PCDHA13: variants seen among roughly 807,000 people sequenced by gnomAD.
PCDHA13 encodes the protein protocadherin alpha 13.
PCDHA13 carries 54 observed loss-of-function variants against 64.8 expected under a neutral mutation model. The observed-to-expected ratio is 0.83, with a 90% CI of 0.67 to 1.04. The LOEUF (loss-of-function observed/expected upper bound fraction) is 1.04. Ranked by LOEUF, PCDHA13 falls within the 50% of genes least tolerant of loss-of-function variation. The pLI, the probability that PCDHA13 is intolerant of heterozygous loss-of-function variation, is 0.00. For synonymous variants in PCDHA13, 587 were observed against 564.4 expected, an observed-to-expected ratio of 1.04 and a Z score of -0.57; for missense variants, 1,248 against 1,254.3, an observed-to-expected ratio of 0.99 and a Z score of 0.08.
chr5:141,009,539 C>G lies in PCDHA13; in HGVS notation c.2543-88C>G, dbSNP rs141154047. 10,440 of 1,522,742 alleles carry G rather than the reference C, an allele frequency of 6.9e-3. 51 individuals are homozygous for G. Among genetic ancestry groups the G allele is most frequent in the Admixed American group, 0.011 (516 of 46,760 alleles). 94.3% of individuals were successfully genotyped at this position (1,522,742 alleles called of 1,614,324 possible). A position where few individuals can be genotyped will look rare whatever the true frequency, so the allele number is the denominator to read the frequency against. ...ATTTTTCTGGGGAGGTTCAGCCTGC[C>G]TATGCAGTACTCCTGTACTCTACCA... On this transcript the variant is annotated intron_variant, in intron 3 of 3. Transcript: ENST00000289272.
In PCDHA13 at chr5:141,011,722, G is replaced by T. The variant is rs1229946779; in HGVS notation, c.*1785G>T. On this transcript the variant is annotated 3_prime_UTR_variant, in exon 4 of 4. Transcript: ENST00000289272. Reference sequence around the variant, plus strand: ...TGAATACTGACAATATTCCATGAGGGTGTGCAAGCACAAATTTTACCAATC... The same window carrying T: ...TGAATACTGACAATATTCCATGAGGTTGTGCAAGCACAAATTTTACCAATC... The T allele has an allele frequency of 6.5e-6, 1 of 153,690 alleles. No homozygotes were observed. The highest frequency in any genetic ancestry group is 1.5e-5 in the Non-Finnish European group (1 of 68,018). 9.5% of individuals were successfully genotyped at this position (153,690 alleles called of 1,614,324 possible).
At chr5:140,987,395 G>A (rs1438598842) in intron 3 of PCDHA13, among the ~76,000 whole-genome samples, 1 of 152,166 alleles carries the variant, frequency 6.6e-6, no homozygotes, top group East Asian at 1.9e-4. Flanking sequence ...ATGCAAGGAA[G>A]CCATCTGTTT....
intron 1 of PCDHA13, among the ~76,000 whole-genome samples, chr5:140,896,089 G>A (rs13174119): frequency 0.32 from 48,051 of 152,038 alleles, 7,939 homozygotes; most frequent in East Asian, 0.53. Flanking sequence ...GGGATTACAG[G>A]CGTGAGCCAC....
chr5:140,952,658 C>T (rs2094779074), intron 1 of PCDHA13, among the ~76,000 whole-genome samples: 1 of 152,196 alleles, frequency 6.6e-6, no homozygotes. Flanking sequence ...TACCCAGTTC[C>T]AAAGTCACTT....
chr5:140,883,202 G>T lies in PCDHA13; in HGVS notation c.934G>T (p.Glu312Ter). The T allele has an allele frequency of 6.2e-7, 1 of 1,613,916 alleles. No individual in the cohort carries two copies. Among genetic ancestry groups the T allele is most frequent in the Non-Finnish European group, 8.5e-7 (1 of 1,180,008 alleles). The change falls in exon 1 of 4, where the codon GAA (glutamate) becomes TAA (stop). Residue 312 changes from glutamate to a stop codon, truncating the protein, a stop_gained. Transcript: ENST00000289272. LOFTEE classifies it high-confidence loss of function. ...IRTKGKLDFEEKKLYEISVEA... is the reference protein window; with the variant it reads ...IRTKGKLDFE ...GACAAAAGGCAAACTAGATTTCGAA[G>T]AAAAGAAATTATATGAAATATCCGT...
At chr5:140,968,776 A>G (rs1346540500) in intron 1 of PCDHA13, 4 of 1,614,082 alleles carry the variant, frequency 2.5e-6, no homozygotes, top group Admixed American at 3.3e-5. Context: ...AGCCATCACT[A>G]TCAGCCTCTG....
At chr5:140,921,131 C>T (rs532456439) in intron 1 of PCDHA13, among the ~76,000 whole-genome samples, 9 of 132,934 alleles carry the variant, frequency 6.8e-5, no homozygotes, top group Non-Finnish European at 1.1e-4. Context: ...CAGGTGCACA[C>T]CACTACACCC....
chr5:140,937,071 T>G (rs2091308048), intron 1 of PCDHA13, among the ~76,000 whole-genome samples: 1 of 147,932 alleles, frequency 6.8e-6, no homozygotes, highest in African/African-American at 2.5e-5. Context: ...GGAGTCTCGC[T>G]CTGTCGCCCA....
chr5:141,004,715 G>T (rs989871938), intron 3 of PCDHA13, among the ~76,000 whole-genome samples: 2 of 152,162 alleles, frequency 1.3e-5, no homozygotes, highest in African/African-American at 2.4e-5. Flanking sequence ...CGAATCAGAG[G>T]TTTTTAAATA....
In PCDHA13 at chr5:140,884,393, A is replaced by T. The variant is rs782150859; in HGVS notation, c.2125A>T (p.Ser709Cys). 6.8e-6 allele frequency: 11 copies of T among 1,613,878 alleles called. No individual in the cohort carries two copies. In the South Asian group the frequency reaches 1.1e-4, roughly 16 times the overall value. The change falls in exon 1 of 4, where the codon AGC (serine) becomes TGC (cysteine). Residue 709 changes from serine (S) to cysteine (C), a missense_variant. By Grantham distance (112) the Ser-to-Cys change is moderately radical. Transcript: ENST00000289272. ...YLIIAICAVS[S>C]LLVLTLLLYT... Reference sequence around the variant, plus strand: ...GATCATTGCCATCTGCGCGGTGTCCAGCCTGTTGGTGCTCACGTTGCTGCT... The same window carrying T: ...GATCATTGCCATCTGCGCGGTGTCCTGCCTGTTGGTGCTCACGTTGCTGCT...
intron 1 of PCDHA13, chr5:140,927,266 C>T (rs1554204259): frequency 6.2e-7 from 1 of 1,614,146 alleles, no homozygotes. Flanking sequence ...CCTCTCTTTC[C>T]TGCCGGCGAC....
At chr5:140,900,557 G>A (rs1006880033) in intron 1 of PCDHA13, among the ~76,000 whole-genome samples, 1 of 152,160 alleles carries the variant, frequency 6.6e-6, no homozygotes, top group African/African-American at 2.4e-5. Context: ...GATTACAGGC[G>A]TGAGCCACGG....
intron 1 of PCDHA13, among the ~76,000 whole-genome samples, chr5:140,957,708 T>TA (rs1330263414): frequency 6.6e-6 from 1 of 152,124 alleles, no homozygotes; most frequent in Non-Finnish European, 1.5e-5. Context: ...ATGTAGTTTT[T>TA]ATTAAGAAAG....
Position 140,968,215 on chromosome 5 carries a change from G to T in PCDHA13, c.2395-10734G>T, listed in dbSNP as rs782676713. The stretch of plus-strand genomic sequence containing the variant: ...CCATCTACATACAGGAGAACAATTT[G>T]CCAGGTGTGTTGCTCTGTACTGTGC... On this transcript the variant is annotated intron_variant, in intron 1 of 3. Transcript: ENST00000289272. 3.1e-6 allele frequency: 5 copies of T among 1,613,862 alleles called. No homozygotes were observed. In the East Asian group the frequency reaches 1.1e-4, roughly 36 times the overall value.
chr5:140,916,068 C>G (rs928159450), intron 1 of PCDHA13, among the ~76,000 whole-genome samples: 1 of 152,166 alleles, frequency 6.6e-6, no homozygotes, highest in African/African-American at 2.4e-5. Context: ...TCCCTGTGGC[C>G]AGTACTACCA....
At chr5:140,992,457 A>G (rs2097512834) in intron 3 of PCDHA13, among the ~76,000 whole-genome samples, 1 of 152,136 alleles carries the variant, frequency 6.6e-6, no homozygotes, top group Non-Finnish European at 1.5e-5. Context: ...GCAGCAGAGG[A>G]CAGTACTCTT....
At chr5:140,990,821 G>T (rs890499969) in intron 3 of PCDHA13, among the ~76,000 whole-genome samples, 1 of 152,172 alleles carries the variant, frequency 6.6e-6, no homozygotes, top group East Asian at 1.9e-4. Flanking sequence ...CCTTCTCTCA[G>T]CTAAAGCCTA....
chr5:140,937,911 CAA>C (rs200797202), intron 1 of PCDHA13, among the ~76,000 whole-genome samples: 76 of 117,920 alleles, frequency 6.4e-4, no homozygotes, highest in Admixed American at 7.8e-4. Context: ...GACTCCGTCT[CAA>C]AAAAAAAAAA....
In PCDHA13 at chr5:140,883,748, C is replaced by T. The variant is rs782541066; in HGVS notation, c.1480C>T (p.Leu494=). The T allele has an allele frequency of 4.3e-6, 7 of 1,613,146 alleles. No individual in the cohort carries two copies. The East Asian group carries it at 1.6e-4, about 36-fold the overall frequency. The change falls in exon 1 of 4, where the codon CTG becomes TTG. Residue 494 remains leucine, a synonymous_variant. Transcript: ENST00000289272. ...GGAGAACGCGCTGGTCTCCTACTCG[C>T]TGGTGGAGCGGCGGGTGGGCGAGCG... is the stretch of plus-strand genomic sequence containing the variant. The part of the protein sequence containing the change: ...AQENALVSYS[L]VERRVGERAL...
Sources: gnomAD v4.1 joint callset for allele counts (sites outside exome capture counted in the v4.1 genomes callset) on GRCh38, gnomAD v4.1.1 for gene constraint, MANE v1.5 for transcripts, NCBI Gene and HGNC (gene_info 2026-07-23, HGNC 2026-07-21) for gene names.